Variants in NFX1 observed in about 807,000 individuals in gnomAD.
NFX1 encodes transcriptional repressor NF-X1.
Under a neutral mutation model 137.2 loss-of-function variants are expected in NFX1, and 69 were observed. The observed-to-expected ratio is 0.50, with a 90% CI of 0.41 to 0.61. The LOEUF (loss-of-function observed/expected upper bound fraction) is 0.61. Ranked by LOEUF, NFX1 falls within the 20% of genes least tolerant of loss-of-function variation. The pLI is 0.00. For synonymous variants in NFX1, 495 were observed against 474.1 expected (o/e 1.04, Z -0.57); for missense variants, 1,167 against 1,391.0 (o/e 0.84, Z 2.56).
intron 19 of NFX1, among the ~76,000 whole-genome samples, chr9:33,363,606 G>A (rs546126369): frequency 6.6e-6 from 1 of 152,054 alleles, no homozygotes; most frequent in East Asian, 1.9e-4. Context: ...AAAATGAAGT[G>A]TATATGTTAA....
intron 2 of NFX1, among the ~76,000 whole-genome samples, chr9:33,297,394 T>C (rs999743280): frequency 5.3e-5 from 8 of 152,240 alleles, no homozygotes; most frequent in African/African-American, 1.9e-4. Context: ...AGCAAAGCAA[T>C]GTTATACCAG....
intron 7 of NFX1, among the ~76,000 whole-genome samples, chr9:33,317,132 A>G (rs1374290070): frequency 6.6e-6 from 1 of 152,104 alleles, no homozygotes; most frequent in African/African-American, 2.4e-5. Flanking sequence ...AAAAAATTGC[A>G]TATAGGCCGG....
Position 33,340,388 on chromosome 9 carries a change from G to A in NFX1, c.2115+1799G>A, listed in dbSNP as rs1823175576. On this transcript the variant is annotated intron_variant, in intron 12 of 23. Coordinates refer to ENST00000379540, the MANE Select transcript of NFX1 (RefSeq NM_002504.6). ...TACAGCTGGAGTGGCTGGGATGCAG[G>A]GCACCAAGTCCCGAGGCTGCATGCA... 2.0e-5 allele frequency among the ~76,000 whole-genome samples: 3 copies of A among 152,230 alleles called. No homozygotes were observed. The South Asian group carries it at 6.2e-4, about 32-fold the overall frequency.
chr9:33,350,836 G>A (rs1433343389), intron 15 of NFX1, among the ~76,000 whole-genome samples: 1 of 152,144 alleles, frequency 6.6e-6, no homozygotes, highest in Non-Finnish European at 1.5e-5. Context: ...AAAAATTAAA[G>A]TAATAATAAT....
chr9:33,321,565 A>G (rs562481662), intron 9 of NFX1, among the ~76,000 whole-genome samples: 1 of 152,284 alleles, frequency 6.6e-6, no homozygotes, highest in South Asian at 2.1e-4. Flanking sequence ...AAACAAAGCT[A>G]GGGAAAACTA....
At chr9:33,317,029 T>C (rs1048552759) in intron 7 of NFX1, among the ~76,000 whole-genome samples, 1 of 152,244 alleles carries the variant, frequency 6.6e-6, no homozygotes. Flanking sequence ...TACCAGTTCA[T>C]TGATTCTACA....
chr9:33,357,503 C>A (rs897500740), intron 19 of NFX1, among the ~76,000 whole-genome samples: 1 of 151,796 alleles, frequency 6.6e-6, no homozygotes, highest in African/African-American at 2.4e-5. Flanking sequence ...ATTCTTAGCC[C>A]TTTACATTTC....
intron 1 of NFX1, 106 bp downstream of exon 1, chr9:33,290,703 G>A: frequency 8.8e-7 from 1 of 1,135,802 alleles, no homozygotes; most frequent in Non-Finnish European, 1.3e-6. Context: ...AGTAGCACAT[G>A]CTAGGGCGTA....
At chr9:33,325,760 T>C (rs1416401084) in intron 9 of NFX1, among the ~76,000 whole-genome samples, 1 of 152,202 alleles carries the variant, frequency 6.6e-6, no homozygotes, top group Non-Finnish European at 1.5e-5. Context: ...AATTTATTGC[T>C]AGCAGGCAGA....
intron 6 of NFX1, among the ~76,000 whole-genome samples, chr9:33,312,541 T>C (rs1272495459): frequency 6.6e-6 from 1 of 152,246 alleles, no homozygotes; most frequent in African/African-American, 2.4e-5. Context: ...TGCTTAACCA[T>C]TACCCTAGAA....
intron 5 of NFX1, among the ~76,000 whole-genome samples, chr9:33,308,973 A>G (rs904839383): frequency 6.6e-6 from 1 of 152,204 alleles, no homozygotes; most frequent in Non-Finnish European, 1.5e-5. Flanking sequence ...CAGATACCTC[A>G]TTCCCTTTGA....
At chr9:33,358,441 A>T (rs931030173) in intron 19 of NFX1, among the ~76,000 whole-genome samples, 29 of 151,832 alleles carry the variant, frequency 1.9e-4, no homozygotes, top group African/African-American at 3.6e-4. Flanking sequence ...AATTTTTTTT[A>T]AATTATTATT....
At chr9:33,330,100 G>T (rs1466235925) in intron 10 of NFX1, among the ~76,000 whole-genome samples, 1 of 152,126 alleles carries the variant, frequency 6.6e-6, no homozygotes, top group African/African-American at 2.4e-5. Context: ...AGCCTACCTT[G>T]GATAGTTTTC....
At chr9:33,296,699 GGAT>G (rs1365222078) in intron 2 of NFX1, among the ~76,000 whole-genome samples, 21 of 152,338 alleles carry the variant, frequency 1.4e-4, no homozygotes, top group Non-Finnish European at 2.5e-4. Flanking sequence ...ACTCCAGCCT[GGAT>G]AACAGAGCAA....
At chr9:33,315,645 G>A (rs2118355659) in intron 7 of NFX1, among the ~76,000 whole-genome samples, 1 of 151,874 alleles carries the variant, frequency 6.6e-6, no homozygotes, top group South Asian at 2.1e-4. Flanking sequence ...CATGCACTCT[G>A]GGAGGCCAGG....
In NFX1 at chr9:33,319,756, C is replaced by T. The variant is rs569463922; in HGVS notation, c.1906+629C>T. Among the ~76,000 whole-genome samples, 232 of 152,196 alleles carry T rather than the reference C, an allele frequency of 1.5e-3. 1 individual carries two copies. Among genetic ancestry groups the T allele is most frequent in the African/African-American group, 5.3e-3 (220 of 41,548 alleles). Reference sequence around the variant, plus strand: ...AACTCCTGGCACCAAGTGATCCACCCGCCTTGGGTTCCCAAAGTGCTGGGA... The same window carrying T: ...AACTCCTGGCACCAAGTGATCCACCTGCCTTGGGTTCCCAAAGTGCTGGGA... On this transcript the variant is annotated intron_variant, in intron 9 of 23. Transcript: ENST00000379540.
At chr9:33,292,790 G>A (rs1821210743) in intron 1 of NFX1, among the ~76,000 whole-genome samples, 1 of 152,014 alleles carries the variant, frequency 6.6e-6, no homozygotes, top group African/African-American at 2.4e-5. Flanking sequence ...TCCTTTACTA[G>A]GCTTCTCTAG....
rs1311640260 is a variant in NFX1 at position 33,307,278 on chromosome 9, A to G, written c.1355A>G (p.Asp452Gly). The change falls in exon 5 of 24, where the codon GAC becomes GGC. Residue 452 changes from aspartate (D) to glycine (G), a missense_variant. Asp to Gly is a moderately conservative substitution (Grantham distance 94). This residue lies in a region of NFX1 where 488 missense variants were observed against 691.5 expected (regional missense o/e 0.71). Transcript: ENST00000379540. ...TGTAGAAAGAAACAGCCTGGCCAGGACTGCCCACATTCCTGTAACCTGTAA... is the reference window on the plus strand; with the variant it reads ...TGTAGAAAGAAACAGCCTGGCCAGGGCTGCCCACATTCCTGTAACCTGTAA... ...EVCRKKQPGQ[D>G]CPHSCNLLCH... is the part of the protein sequence containing the mutation. 1 of 1,614,110 alleles carries G rather than the reference A, an allele frequency of 6.2e-7. No homozygotes were observed. Among genetic ancestry groups the G allele is most frequent in the Non-Finnish European group, 8.5e-7 (1 of 1,179,950 alleles).
chr9:33,354,802 C>G (rs1315870834), intron 18 of NFX1, 49 bp from the exon 19 acceptor site: 1 of 1,539,854 alleles, frequency 6.5e-7, no homozygotes, highest in African/African-American at 1.4e-5. Context: ...TGGATGGGAG[C>G]TGTACAGTCT....
Sources: allele counts gnomAD v4.1 joint callset (sites outside exome capture counted in the v4.1 genomes callset), GRCh38; gene constraint gnomAD v4.1.1; regional missense constraint gnomAD v4.1.1; transcripts MANE v1.5; gene names NCBI Gene and HGNC (gene_info 2026-07-23, HGNC 2026-07-21).